The following VRK2 variants were observed in gnomAD, a reference collection of about 807,000 sequenced individuals.
VRK2 encodes the protein serine/threonine-protein kinase VRK2.
VRK2 carries 60 observed loss-of-function variants against 57.6 expected under a neutral mutation model. The ratio of observed to expected loss-of-function variants is 1.04; its 90% CI spans 0.85 to 1.29. The LOEUF is 1.29. VRK2 is among the 50% of genes most tolerant of loss of function. The probability of loss-of-function intolerance (pLI) is 0.00; values close to 1 mark genes in which losing one functional copy is unlikely to be tolerated. For synonymous variants in VRK2, 231 were observed against 199.2 expected (o/e 1.16, Z -1.35); for missense variants, 705 against 588.1 (o/e 1.20, Z -2.06).
At chr2:58,088,759 T>C (rs1671978879) in intron 6 of VRK2, among the ~76,000 whole-genome samples, 1 of 152,212 alleles carries the variant, frequency 6.6e-6, no homozygotes, top group South Asian at 2.1e-4. Context: ...TTGTCAGTTA[T>C]AACAATGCAA....
intron 1 of VRK2, among the ~76,000 whole-genome samples, chr2:57,997,025 G>A (rs567121643): frequency 6.6e-6 from 1 of 151,996 alleles, no homozygotes; most frequent in South Asian, 2.1e-4. Context: ...CCTTAACAAG[G>A]AAAGAAAGAT....
At chr2:58,110,110 G>A (rs1426682397) in intron 7 of VRK2, among the ~76,000 whole-genome samples, 1 of 152,048 alleles carries the variant, frequency 6.6e-6, no homozygotes, top group Non-Finnish European at 1.5e-5. Flanking sequence ...GAAATATGAA[G>A]GTGATTTTCT....
intron 2 of VRK2, among the ~76,000 whole-genome samples, chr2:58,080,849 C>A (rs1187331857): frequency 1.3e-5 from 2 of 151,778 alleles, no homozygotes; most frequent in African/African-American, 4.8e-5. Flanking sequence ...ATTATAATTA[C>A]TGACATATGT....
intron 1 of VRK2, among the ~76,000 whole-genome samples, chr2:58,010,943 C>T (rs1469572606): frequency 1.3e-5 from 2 of 152,108 alleles, no homozygotes; most frequent in Non-Finnish European, 2.9e-5. Context: ...AATATATTAA[C>T]AACCTTACTT....
intron 7 of VRK2, among the ~76,000 whole-genome samples, chr2:58,117,418 A>C (rs186469894): frequency 6.6e-6 from 1 of 152,038 alleles, no homozygotes; most frequent in African/African-American, 2.4e-5. Flanking sequence ...GTGGAGGAGC[A>C]GAGGCTGAGG....
chr2:57,985,174 T>C (rs1672557663), intron 1 of VRK2, among the ~76,000 whole-genome samples: 1 of 152,042 alleles, frequency 6.6e-6, no homozygotes, highest in African/African-American at 2.4e-5. Flanking sequence ...AATTTTGAAT[T>C]ATATTAATAT....
intron 1 of VRK2, among the ~76,000 whole-genome samples, chr2:57,981,551 T>C (rs113747984): frequency 2.2e-3 from 335 of 152,300 alleles, no homozygotes; most frequent in African/African-American, 7.5e-3. Context: ...TGGCAGGGGT[T>C]CCCTGAATTT....
intron 1 of VRK2, among the ~76,000 whole-genome samples, chr2:57,908,399 T>G (rs1402030797): frequency 6.6e-6 from 1 of 152,170 alleles, no homozygotes; most frequent in East Asian, 1.9e-4. Context: ...CTATAAATCT[T>G]TTAAGGATAG....
intron 1 of VRK2, among the ~76,000 whole-genome samples, chr2:57,980,780 A>T (rs908751128): frequency 2.0e-5 from 3 of 152,164 alleles, no homozygotes; most frequent in Middle Eastern, 3.2e-3. Flanking sequence ...TTATCAATAC[A>T]TAATGCCCTT....
chr2:57,933,490 T>G (rs941790274), intron 1 of VRK2, among the ~76,000 whole-genome samples: 5 of 151,444 alleles, frequency 3.3e-5, no homozygotes, highest in African/African-American at 1.2e-4. Flanking sequence ...TTTTTGTATT[T>G]TTAGTAGAGA....
Position 58,028,903 on chromosome 2 carries a change from A to AATATATATATATATAT in VRK2, c.-333+3158_-333+3173dup, listed in dbSNP as rs58729342. Among the ~76,000 whole-genome samples, 81 of 53,994 alleles carry AATATATATATATATAT rather than the reference A, an allele frequency of 1.5e-3. 1 individual carries two copies. The highest frequency in any genetic ancestry group is 2.2e-3 in the Non-Finnish European group (62 of 28,202). The allele number at this position is 53,994 out of a possible 152,430, so 35.4% of individuals were successfully genotyped here. On this transcript the variant is annotated intron_variant, in intron 2 of 15. Transcript: ENST00000417641. ...AGTATAATAAATAAATAAATAAATA[A>AATATATATATATATAT]ATATATATATATATATATATATATA... is the stretch of plus-strand genomic sequence containing the variant.
At chr2:57,980,788 C>G (rs940197470) in intron 1 of VRK2, among the ~76,000 whole-genome samples, 1 of 152,068 alleles carries the variant, frequency 6.6e-6, no homozygotes, top group African/African-American at 2.4e-5. Context: ...ACATAATGCC[C>G]TTCTTTGTCC....
At chr2:58,007,102 A>T (rs573967115) in intron 1 of VRK2, among the ~76,000 whole-genome samples, 14 of 151,892 alleles carry the variant, frequency 9.2e-5, no homozygotes, top group African/African-American at 3.4e-4. Flanking sequence ...TTAGACTAAG[A>T]CTGAAACTAT....
intron 1 of VRK2, among the ~76,000 whole-genome samples, chr2:57,953,692 A>G (rs1212512295): frequency 6.6e-6 from 1 of 152,122 alleles, no homozygotes; most frequent in Non-Finnish European, 1.5e-5. Context: ...AAAGTGAGCT[A>G]TGAAGAGTAA....
At chr2:58,089,583 T>C (rs1191487175) in intron 6 of VRK2, 48 bp from the exon 7 acceptor site, 26 of 1,183,868 alleles carry the variant, frequency 2.2e-5, no homozygotes, top group Non-Finnish European at 2.8e-5. Context: ...AAATTGATCA[T>C]GAGTTCTAAA....
At chr2:58,074,374 C>G (rs923450452) in intron 2 of VRK2, among the ~76,000 whole-genome samples, 1 of 151,824 alleles carries the variant, frequency 6.6e-6, no homozygotes, top group East Asian at 1.9e-4. Context: ...GGTTTTTTAT[C>G]TGTTTTTTTT....
chr2:58,097,846 GTTTA>G (rs1270863338), intron 7 of VRK2, among the ~76,000 whole-genome samples: 1 of 152,010 alleles, frequency 6.6e-6, no homozygotes, highest in Admixed American at 6.6e-5. Context: ...TAGTTTATAT[GTTTA>G]TTTATTATAC....
At chr2:58,120,979 T>C (rs751722794) in intron 7 of VRK2, among the ~76,000 whole-genome samples, 9 of 152,256 alleles carry the variant, frequency 5.9e-5, no homozygotes, top group Non-Finnish European at 1.3e-4. Flanking sequence ...CTCTCTCCTA[T>C]TGCAGTAGTC....
intron 7 of VRK2, among the ~76,000 whole-genome samples, chr2:58,092,291 G>C (rs1256214185): frequency 6.6e-6 from 1 of 152,052 alleles, no homozygotes; most frequent in African/African-American, 2.4e-5. Flanking sequence ...GTACTGTTTT[G>C]GGTCTGTTTT....
Sources: gnomAD v4.1 joint callset for allele counts (sites outside exome capture counted in the v4.1 genomes callset) on GRCh38, gnomAD v4.1.1 for gene constraint, MANE v1.5 for transcripts, NCBI Gene and HGNC (gene_info 2026-07-23, HGNC 2026-07-21) for gene names.